CECR2: variants seen among roughly 807,000 people sequenced by gnomAD.
CECR2 encodes the protein chromatin remodeling regulator CECR2.
In CECR2, 30 loss-of-function variants were observed where a neutral mutation model predicts 154.5. That is an observed-to-expected ratio of 0.19 (90% CI 0.15 to 0.26). The LOEUF (loss-of-function observed/expected upper bound fraction) is 0.26, where lower values mean the gene tolerates loss of function less well. CECR2 is among the 10% of genes least tolerant of loss of function. The pLI, the probability that CECR2 is intolerant of heterozygous loss-of-function variation, is 1.00. For missense variants in CECR2, 1,743 were observed against 1,829.3 expected, an observed-to-expected ratio of 0.95 and a Z score of 0.86; for synonymous variants, 725 against 683.7, an observed-to-expected ratio of 1.06 and a Z score of -0.94.
At chr22:17,511,924 G>T (rs1416779720) in intron 8 of CECR2, 28 bp downstream of exon 8, 1 of 1,521,058 alleles carries the variant, frequency 6.6e-7, no homozygotes, top group Non-Finnish European at 9.0e-7. Flanking sequence ...TAGCGAGGAG[G>T]AGCTTTCCTG....
chr22:17,365,845 G>C (rs1188846599), upstream of CECR2, among the ~76,000 whole-genome samples: 1 of 151,286 alleles, frequency 6.6e-6, no homozygotes, highest in Non-Finnish European at 1.5e-5. Context: ...GGACAACAAA[G>C]GGAGACCCCC....
intron 1 of CECR2, among the ~76,000 whole-genome samples, chr22:17,471,228 G>C (rs1444131192): frequency 1.3e-5 from 2 of 152,112 alleles, no homozygotes; most frequent in Non-Finnish European, 1.5e-5. Flanking sequence ...TTGGAAAATT[G>C]GGTCTAAGCG....
chr22:17,379,300 GAA>G (rs1322531082), intron 1 of CECR2, among the ~76,000 whole-genome samples: 1 of 152,192 alleles, frequency 6.6e-6, no homozygotes, highest in Non-Finnish European at 1.5e-5. Context: ...TTTAAGGAAA[GAA>G]GAGAGTTTGG....
chr22:17,530,981 C>T lies in CECR2; in HGVS notation c.1109-6122C>T, dbSNP rs190133028. 9.9e-4 allele frequency among the ~76,000 whole-genome samples: 150 copies of T among 152,156 alleles called. 4 individuals are homozygous for T. Among genetic ancestry groups the T allele is most frequent in the Non-Finnish European group, 3.7e-4 (25 of 68,008 alleles). On this transcript the variant is annotated intron_variant, in intron 9 of 18. Coordinates refer to ENST00000262608, the MANE Select transcript of CECR2 (RefSeq NM_001290047.2). The stretch of plus-strand genomic sequence containing the variant: ...ATGAAAAGATACTAGAAATGGATAC[C>T]GGTGATGGCGCCACAACATTACTTA...
chr22:17,544,921 A>G (rs1012295860), intron 16 of CECR2, among the ~76,000 whole-genome samples: 2 of 151,302 alleles, frequency 1.3e-5, no homozygotes, highest in Non-Finnish European at 2.9e-5. Flanking sequence ...ACAATGAGCT[A>G]TGATTGCACC....
At position 17,541,962 on chromosome 22, in the gene CECR2, A is replaced by G. The variant is rs1221966970; in HGVS notation, c.2008A>G (p.Met670Val). The G allele has an allele frequency of 6.2e-7, 1 of 1,612,920 alleles. No individual in the cohort carries two copies. The highest frequency in any genetic ancestry group is 1.1e-5 in the South Asian group (1 of 90,896). Residue 670 changes from methionine (M) to valine (V), a missense_variant, in exon 15 of 19, where the codon ATG becomes GTG. Transcript: ENST00000262608. ...TGTGCAGCAGCGTCAGCCTTTCACC[A>G]TGCAGGTAAGCAGCCTACTCTGGAG... Reference protein sequence around the residue: ...EPVQQRQPFTMQPPVGINSLR... With the variant: ...EPVQQRQPFTVQPPVGINSLR...
intron 8 of CECR2, among the ~76,000 whole-genome samples, chr22:17,513,950 T>C (rs927046532): frequency 1.3e-5 from 2 of 152,362 alleles, no homozygotes; most frequent in South Asian, 2.1e-4. Context: ...GTTTGAGCTT[T>C]CTTTTATTCT....
At chr22:17,453,211 G>A (rs544886518) in intron 1 of CECR2, among the ~76,000 whole-genome samples, 5 of 152,308 alleles carry the variant, frequency 3.3e-5, no homozygotes, top group Non-Finnish European at 7.4e-5. Context: ...GGAGGCCGAG[G>A]CGGGTGGATC....
intron 16 of CECR2, among the ~76,000 whole-genome samples, chr22:17,544,375 G>A (rs1020974696): frequency 6.6e-6 from 1 of 151,788 alleles, no homozygotes; most frequent in African/African-American, 2.4e-5. Context: ...GCAGGCGCCT[G>A]TAGTCCCAGC....
chr22:17,479,998 G>A lies in CECR2; in HGVS notation c.221+2316G>A, dbSNP rs923965825. Among the ~76,000 whole-genome samples, 4 of 152,080 alleles carry A rather than the reference G, an allele frequency of 2.6e-5. No individual in the cohort carries two copies. The East Asian group carries it at 5.8e-4, about 22-fold the overall frequency. On this transcript the variant is annotated intron_variant, in intron 2 of 18. Transcript: ENST00000262608. ...TGGTCTTGAACTCCTGGTCTCAAGC[G>A]ATCCTGCTGCCTTGGCCTCTCAAAG...
intron 2 of CECR2, among the ~76,000 whole-genome samples, chr22:17,489,977 A>T: frequency 6.6e-6 from 1 of 151,518 alleles, no homozygotes; most frequent in African/African-American, 2.4e-5. Context: ...AAACTTGTAA[A>T]TTTCCTTCTA....
intron 1 of CECR2, among the ~76,000 whole-genome samples, chr22:17,458,487 G>A (rs1294063538): frequency 6.7e-6 from 1 of 149,930 alleles, no homozygotes; most frequent in Non-Finnish European, 1.5e-5. Context: ...GTTTTAATAC[G>A]GTGGGTAAAA....
At position 17,542,744 on chromosome 22, in the gene CECR2, C is replaced by G. The variant is rs1392874574; in HGVS notation, c.2601C>G (p.Ala867=). The change falls in exon 16 of 19, where the codon GCC becomes GCG. Residue 867 remains alanine, a synonymous_variant. Coordinates refer to ENST00000262608, the MANE Select transcript of CECR2 (RefSeq NM_001290047.2). ...CCAGTTCTTTGTTTGGAGCACCTGC[C>G]CAGGCTCTTCGGGGGGTGCAGGGAG... is the stretch of plus-strand genomic sequence containing the variant. ...PAPSSLFGAP[A]QALRGVQGGD... is the part of the protein sequence containing the mutation. 6.2e-7 allele frequency: 1 copy of G among 1,614,010 alleles called. No homozygotes were observed. The highest frequency in any genetic ancestry group is 8.5e-7 in the Non-Finnish European group (1 of 1,179,906).
chr22:17,478,096 A>G (rs923972977), intron 2 of CECR2, among the ~76,000 whole-genome samples: 5 of 152,214 alleles, frequency 3.3e-5, no homozygotes, highest in African/African-American at 9.6e-5. Flanking sequence ...TAATAAAAAA[A>G]AAAGAGAGAT....
At chr22:17,459,480 T>G (rs1190412483) in intron 1 of CECR2, among the ~76,000 whole-genome samples, 7 of 152,022 alleles carry the variant, frequency 4.6e-5, no homozygotes, top group Non-Finnish European at 8.8e-5. Flanking sequence ...TGTTTTTTTT[T>G]GTTTTTGGTT....
chr22:17,487,192 A>C (rs2055436935), intron 2 of CECR2, among the ~76,000 whole-genome samples: 1 of 152,172 alleles, frequency 6.6e-6, no homozygotes, highest in Admixed American at 6.5e-5. Context: ...TGGAATTGCA[A>C]ATCTGGTCAG....
At chr22:17,430,747 T>C (rs1316909718) in intron 1 of CECR2, among the ~76,000 whole-genome samples, 1 of 152,052 alleles carries the variant, frequency 6.6e-6, no homozygotes, top group Non-Finnish European at 1.5e-5. Flanking sequence ...CTTTGGGTCA[T>C]GGCTGCAGTG....
chr22:17,370,320 G>A (rs1343667773), intron 1 of CECR2, among the ~76,000 whole-genome samples: 1 of 111,624 alleles, frequency 9.0e-6, no homozygotes, highest in Non-Finnish European at 1.7e-5. Context: ...GGCCGGGCGC[G>A]GGGGGGGGGC....
At chr22:17,386,974 G>A (rs1273060125) in intron 1 of CECR2, among the ~76,000 whole-genome samples, 1 of 152,068 alleles carries the variant, frequency 6.6e-6, no homozygotes, top group Non-Finnish European at 1.5e-5. Context: ...TCTTTCATTA[G>A]AATTTTAGAT....
Sources: gnomAD v4.1 joint callset for allele counts (sites outside exome capture counted in the v4.1 genomes callset) on GRCh38, gnomAD v4.1.1 for gene constraint, MANE v1.5 for transcripts, NCBI Gene and HGNC (gene_info 2026-07-23, HGNC 2026-07-21) for gene names.